Variants in DLGAP1 observed in about 807,000 individuals in gnomAD.
DLGAP1 encodes the protein DLG associated protein 1, also known as disks large-associated protein 1.
In DLGAP1, 11 loss-of-function variants were observed where a neutral mutation model predicts 90.8. The observed-to-expected ratio is 0.12, with a 90% CI of 0.08 to 0.20. The LOEUF (loss-of-function observed/expected upper bound fraction) is 0.20, where lower values mean the gene tolerates loss of function less well. Ranked by LOEUF, DLGAP1 falls within the 10% of genes least tolerant of loss-of-function variation. The pLI is 1.00. For synonymous variants in DLGAP1, 558 were observed against 540.7 expected, an observed-to-expected ratio of 1.03 and a Z score of -0.44; for missense variants, 1,050 against 1,333.8, an observed-to-expected ratio of 0.79 and a Z score of 3.31.
At chr18:4,367,821 C>A (rs2081811048) in intron 1 of DLGAP1, among the ~76,000 whole-genome samples, 1 of 151,866 alleles carries the variant, frequency 6.6e-6, no homozygotes, top group Non-Finnish European at 1.5e-5. Context: ...TGCACTCCAG[C>A]CTGGGCGACA....
intron 4 of DLGAP1, among the ~76,000 whole-genome samples, chr18:3,870,557 A>G (rs1369651921): frequency 6.6e-6 from 1 of 152,144 alleles, no homozygotes; most frequent in Non-Finnish European, 1.5e-5. Flanking sequence ...CCATTGTTCC[A>G]ATACGTAATT....
intron 2 of DLGAP1, among the ~76,000 whole-genome samples, chr18:4,111,835 C>A (rs192469532): frequency 6.6e-6 from 1 of 151,716 alleles, no homozygotes; most frequent in African/African-American, 2.4e-5. Context: ...TTTCTTCTTT[C>A]GGTCAGTCTA....
chr18:4,345,989 G>T (rs1386562198), intron 1 of DLGAP1, among the ~76,000 whole-genome samples: 1 of 152,160 alleles, frequency 6.6e-6, no homozygotes, highest in Non-Finnish European at 1.5e-5. Flanking sequence ...TTTCAAGAAG[G>T]TGTCCCGGGG....
intron 2 of DLGAP1, among the ~76,000 whole-genome samples, chr18:4,031,997 A>G (rs549712173): frequency 3.0e-4 from 45 of 152,350 alleles, no homozygotes; most frequent in Non-Finnish European, 5.3e-4. Context: ...ATGAGTAACA[A>G]GCAAAATTAT....
intron 1 of DLGAP1, among the ~76,000 whole-genome samples, chr18:4,339,033 G>A (rs868186334): frequency 2.0e-5 from 3 of 152,152 alleles, no homozygotes; most frequent in African/African-American, 7.2e-5. Context: ...GCAGATCAAT[G>A]ATTTCATTTA....
intron 4 of DLGAP1, among the ~76,000 whole-genome samples, chr18:3,815,336 T>C (rs1245379331): frequency 6.6e-6 from 1 of 152,248 alleles, no homozygotes; most frequent in East Asian, 1.9e-4. Flanking sequence ...AAGCACTCTC[T>C]AAAGGTTTCC....
chr18:4,045,252 T>A lies in DLGAP1; in HGVS notation c.-158-40051A>T, dbSNP rs139067276. Among the ~76,000 whole-genome samples the A allele has an allele frequency of 1.6e-3, 235 of 151,052 alleles. 1 individual carries two copies. Among genetic ancestry groups the A allele is most frequent in the African/African-American group, 4.9e-3 (202 of 41,150 alleles). On this transcript the variant is annotated intron_variant, in intron 2 of 12. Transcript: ENST00000315677. ...AAACCCTCTTCTAATCATCTCACTT[T>A]CTCCAATAAAAAAAGTAGTTTCATA... is the stretch of plus-strand genomic sequence containing the variant.
intron 1 of DLGAP1, among the ~76,000 whole-genome samples, chr18:4,270,614 C>G (rs942946314): frequency 1.3e-5 from 2 of 151,972 alleles, no homozygotes; most frequent in Non-Finnish European, 2.9e-5. Flanking sequence ...AAATAAAGAA[C>G]ACTTACAAGA....
At chr18:4,277,478 G>A (rs887469754) in intron 1 of DLGAP1, among the ~76,000 whole-genome samples, 1 of 152,160 alleles carries the variant, frequency 6.6e-6, no homozygotes, top group Admixed American at 6.5e-5. Flanking sequence ...TAGTTTCTGT[G>A]GGTTTTCTGT....
At chr18:3,751,709 C>T (rs999158969) in intron 5 of DLGAP1, among the ~76,000 whole-genome samples, 16 of 151,280 alleles carry the variant, frequency 1.1e-4, no homozygotes, top group Non-Finnish European at 1.6e-4. Flanking sequence ...GAGGTGTGCG[C>T]GTGTGCCACC....
At chr18:4,207,294 GA>G (rs1383362122) in intron 1 of DLGAP1, among the ~76,000 whole-genome samples, 1 of 152,152 alleles carries the variant, frequency 6.6e-6, no homozygotes, top group African/African-American at 2.4e-5. Flanking sequence ...CAGCCAAGCA[GA>G]GGGGGAAGCC....
intron 9 of DLGAP1, among the ~76,000 whole-genome samples, chr18:3,542,948 C>A (rs902042063): frequency 2.6e-5 from 4 of 152,156 alleles, no homozygotes; most frequent in Admixed American, 2.6e-4. Context: ...AAGGCAAAAT[C>A]CAGGACATAG....
At chr18:4,351,803 T>G (rs1227837763) in intron 1 of DLGAP1, among the ~76,000 whole-genome samples, 1 of 152,230 alleles carries the variant, frequency 6.6e-6, no homozygotes, top group Admixed American at 6.5e-5. Context: ...TATTTTATTC[T>G]ATACATTTTG....
At chr18:4,395,559 T>C (rs2082423056) in intron 1 of DLGAP1, among the ~76,000 whole-genome samples, 1 of 152,220 alleles carries the variant, frequency 6.6e-6, no homozygotes, top group African/African-American at 2.4e-5. Context: ...CATGGTTCTC[T>C]GTAAAGATTC....
chr18:3,777,605 A>G (rs7241150), intron 5 of DLGAP1, among the ~76,000 whole-genome samples: 9,234 of 150,794 alleles, frequency 0.061, 905 homozygotes, highest in African/African-American at 0.21. Context: ...GGAATTTTTC[A>G]TACAATATTA....
chr18:4,445,518 A>G lies in DLGAP1; in HGVS notation c.-267+9488T>C, dbSNP rs189744826. On this transcript the variant is annotated intron_variant, in intron 1 of 12. Coordinates refer to ENST00000315677, the MANE Select transcript of DLGAP1 (RefSeq NM_004746.4). Reference sequence around the variant, plus strand: ...TGTGTCCATGTGATCTCAATGTTCAATTCCCACCTATGAGTGAGAATATGC... The same window carrying G: ...TGTGTCCATGTGATCTCAATGTTCAGTTCCCACCTATGAGTGAGAATATGC... Among the ~76,000 whole-genome samples the G allele has an allele frequency of 9.2e-3, 1,300 of 140,700 alleles. 6 individuals carry two copies. Among genetic ancestry groups the G allele is most frequent in the Non-Finnish European group, 0.013 (889 of 66,540 alleles). The allele number at this position is 140,700 out of a possible 152,430, so 92.3% of individuals were successfully genotyped here.
At chr18:3,839,608 G>A (rs554845353) in intron 4 of DLGAP1, among the ~76,000 whole-genome samples, 3 of 152,252 alleles carry the variant, frequency 2.0e-5, no homozygotes, top group Non-Finnish European at 2.9e-5. Flanking sequence ...GCTTCACTTC[G>A]GACCTAGGGC....
chr18:3,543,337 T>C (rs1376487787), intron 9 of DLGAP1, among the ~76,000 whole-genome samples: 6 of 152,026 alleles, frequency 3.9e-5, no homozygotes, highest in African/African-American at 1.5e-4. Context: ...CGCCTGGCTA[T>C]TTTTTTGTAT....
chr18:3,627,878 T>A (rs2058357192), intron 7 of DLGAP1, among the ~76,000 whole-genome samples: 1 of 120,990 alleles, frequency 8.3e-6, no homozygotes. Flanking sequence ...TTCCTTCCTT[T>A]TTTTTTTTTT....
Sources: allele counts gnomAD v4.1 joint callset (sites outside exome capture counted in the v4.1 genomes callset), GRCh38; gene constraint gnomAD v4.1.1; transcripts MANE v1.5; gene names NCBI Gene and HGNC (gene_info 2026-07-23, HGNC 2026-07-21).